TRIM68: variants seen among roughly 807,000 people sequenced by gnomAD.
The protein encoded by TRIM68 is tripartite motif containing 68.
TRIM68 carries 36 observed loss-of-function variants against 41.9 expected under a neutral mutation model. That is an observed-to-expected ratio of 0.86 (90% CI 0.66 to 1.14). The LOEUF is 1.14. Ranked by LOEUF, TRIM68 falls within the 50% of genes most tolerant of loss-of-function variation. TRIM68 has a pLI of 0.00. For synonymous variants in TRIM68, 225 were observed against 224.6 expected (o/e 1.00, Z -0.02); for missense variants, 632 against 605.1 (o/e 1.04, Z -0.47).
rs1846564316 is a variant in TRIM68, at chr11:4,606,074, C to T, written c.-57-513G>A. On this transcript the variant is annotated intron_variant, in intron 1 of 6. Transcript: ENST00000300747. ...TCAATTTGTTTTCTTGTGTTGCACA[C>T]TAAAATGCAAAAACTGTAAAGGAAA... Among the ~76,000 whole-genome samples, 3 of 152,224 alleles carry T rather than the reference C, an allele frequency of 2.0e-5. No homozygotes were observed. In the South Asian group the frequency reaches 6.2e-4, roughly 32 times the overall value.
At position 4,605,451 on chromosome 11, in the gene TRIM68, G is replaced by T; in HGVS notation, c.54C>A (p.Ile18=). The stretch of plus-strand genomic sequence containing the variant: ...TGGGCTCCCTCAGGAAGGTCATACA[G>T]ATGGGACAGGCCACTTCTTCCACAA... The part of the protein sequence containing the change: ...EAIVEEVACP[I]CMTFLREPMS... Residue 18 remains isoleucine, a synonymous_variant, in exon 2 of 7, where the codon ATC becomes ATA. Transcript: ENST00000300747. The T allele has an allele frequency of 1.2e-6, 2 of 1,614,094 alleles. No individual in the cohort carries two copies. The highest frequency in any genetic ancestry group is 1.7e-6 in the Non-Finnish European group (2 of 1,179,970).
In TRIM68 at chr11:4,599,321, T is replaced by C. The variant is rs4910636; in HGVS notation, c.*955A>G. On this transcript the variant is annotated 3_prime_UTR_variant, in exon 7 of 7. Transcript: ENST00000300747. ...ACCATCCTAGCTAACATGGTGAAAC[T>C]CCGTCTCTACTAAAAATACAAAAAA... 142,620 of 152,002 alleles carry C rather than the reference T, an allele frequency of 0.94. 66,988 individuals are homozygous for C. The highest frequency in any genetic ancestry group is 1 in the East Asian group (5,131 of 5,132). 9.4% of individuals were successfully genotyped at this position (152,002 alleles called of 1,614,324 possible). A position where few individuals can be genotyped will look rare whatever the true frequency, so the allele number is the denominator to read the frequency against.
In TRIM68 at chr11:4,600,386, G is replaced by A. The variant is rs868551829; in HGVS notation, c.1348C>T (p.Pro450Ser). The A allele has an allele frequency of 6.2e-7, 1 of 1,614,112 alleles. No homozygotes were observed. The highest frequency in any genetic ancestry group is 8.5e-7 in the Non-Finnish European group (1 of 1,180,012). ...AGGCGCCCAGGGAAGGGATAGCGGG[G>A]GAAAGTGAAGATGTGGGAGCCACAG... Reference protein sequence around the residue: ...TDCGSHIFTFPRYPFPGRLLP... With the variant: ...TDCGSHIFTFSRYPFPGRLLP... Residue 450 changes from proline to serine, a missense_variant, in exon 7 of 7, where the codon CCC becomes TCC. Coordinates refer to ENST00000300747, the MANE Select transcript of TRIM68 (RefSeq NM_018073.8).
At chr11:4,602,664 C>A (rs1163827892) in intron 3 of TRIM68, among the ~76,000 whole-genome samples, 1 of 152,204 alleles carries the variant, frequency 6.6e-6, no homozygotes, top group Non-Finnish European at 1.5e-5. Context: ...ATGCTCTAGA[C>A]TATTTTCCAT....
rs1298369227 is a variant in TRIM68, at chr11:4,605,415, G to C, written c.90C>G (p.Asp30Glu). The change falls in exon 2 of 7, where the codon GAC becomes GAG. Residue 30 changes from aspartate (D) to glutamate (E), a missense_variant. Coordinates refer to ENST00000300747, the MANE Select transcript of TRIM68 (RefSeq NM_018073.8). ...AGCTGTGGCAGAAGCTGTGGCCACA[G>C]TCAATGCTCATGGGCTCCCTCAGGA... ...MTFLREPMSI[D>E]CGHSFCHSCL... 3.7e-6 allele frequency: 6 copies of C among 1,614,234 alleles called. No individual in the cohort carries two copies. Among genetic ancestry groups the C allele is most frequent in the Non-Finnish European group, 4.2e-6 (5 of 1,180,050 alleles).
chr11:4,607,442 A>G (rs2133202702), intron 1 of TRIM68, among the ~76,000 whole-genome samples: 1 of 152,374 alleles, frequency 6.6e-6, no homozygotes, highest in Admixed American at 6.5e-5. Context: ...ACACCATCTA[A>G]AGTCAATAAA....
At chr11:4,603,141 A>T in intron 3 of TRIM68, 104 bp downstream of exon 3, 1 of 1,102,932 alleles carries the variant, frequency 9.1e-7, no homozygotes, top group Non-Finnish European at 1.4e-6. Flanking sequence ...CTGTGATTTC[A>T]AGCCTCACAT....
chr11:4,603,612 C>T (rs1846526469), intron 2 of TRIM68, among the ~76,000 whole-genome samples: 1 of 152,348 alleles, frequency 6.6e-6, no homozygotes, highest in South Asian at 2.1e-4. Context: ...CTTGGACTTT[C>T]CTTTCCATGC....
intron 2 of TRIM68, among the ~76,000 whole-genome samples, chr11:4,603,888 G>A (rs1478261185): frequency 6.6e-6 from 1 of 152,162 alleles, no homozygotes; most frequent in Admixed American, 6.5e-5. Flanking sequence ...AAACTGTGCA[G>A]AAACACCATT....
intron 1 of TRIM68, 57 bp downstream of exon 1, chr11:4,607,970 G>C (rs1398979468): frequency 6.6e-6 from 1 of 152,374 alleles, no homozygotes; most frequent in Non-Finnish European, 1.5e-5. Flanking sequence ...GCGGGCGGGT[G>C]GGGGTAAAGT....
chr11:4,600,452 C>A lies in TRIM68; in HGVS notation c.1282G>T (p.Asp428Tyr), dbSNP rs778466991. ...AAAGAAATGTCATGGGCCTCATAATCCACGAAGATTCCCACCCGGCGAGGA... is the reference window on the plus strand; with the variant it reads ...AAAGAAATGTCATGGGCCTCATAATACACGAAGATTCCCACCCGGCGAGGA... ...VPPRRVGIFVDYEAHDISFYN... is the reference protein window; with the variant it reads ...VPPRRVGIFVYYEAHDISFYN... The change falls in exon 7 of 7, where the codon GAT becomes TAT. Residue 428 changes from aspartate (D) to tyrosine (Y), a missense_variant. Asp to Tyr is a radical substitution (Grantham distance 160, BLOSUM62 -3). Transcript: ENST00000300747. The A allele has an allele frequency of 6.2e-7, 1 of 1,613,550 alleles. No homozygotes were observed. The highest frequency in any genetic ancestry group is 1.3e-5 in the African/African-American group (1 of 74,886).
Position 4,605,207 on chromosome 11 carries a change from G to A in TRIM68, c.298C>T (p.Arg100Cys), listed in dbSNP as rs777719012. 1.2e-5 allele frequency: 19 copies of A among 1,614,120 alleles called. No homozygotes were observed. The highest frequency in any genetic ancestry group is 2.7e-5 in the African/African-American group (2 of 74,938). The change falls in exon 2 of 7, where the codon CGC becomes TGC. Residue 100 changes from arginine (R) to cysteine (C), a missense_variant. Coordinates refer to ENST00000300747, the MANE Select transcript of TRIM68 (RefSeq NM_018073.8). ...AACATCTTCAGCTTTTCCCCATGGC[G>A]CTCACACAGGTCACCCTTCAGCCCC... Reference protein sequence around the residue: ...GMGLKGDLCERHGEKLKMFCK... With the variant: ...GMGLKGDLCECHGEKLKMFCK...
At chr11:4,600,904 C>T (rs1589848305) in intron 6 of TRIM68, 78 bp from the exon 7 acceptor site, 11 of 1,572,884 alleles carry the variant, frequency 7.0e-6, no homozygotes, top group Middle Eastern at 1.7e-4. Context: ...TAAATTCAGC[C>T]ACAGATTTCT....
At chr11:4,602,899 T>G (rs888460193) in intron 3 of TRIM68, among the ~76,000 whole-genome samples, 7 of 152,238 alleles carry the variant, frequency 4.6e-5, no homozygotes, top group African/African-American at 1.4e-4. Context: ...AACCAGACTC[T>G]TAGCAAATAT....
At chr11:4,607,423 C>T (rs570244623) in intron 1 of TRIM68, among the ~76,000 whole-genome samples, 1 of 152,260 alleles carries the variant, frequency 6.6e-6, no homozygotes, top group African/African-American at 2.4e-5. Context: ...TCAGTAGAGA[C>T]ATTAAGAGAC....
chr11:4,605,608 G>A, intron 1 of TRIM68, 47 bp from the exon 2 acceptor site: 1 of 1,121,314 alleles, frequency 8.9e-7, no homozygotes, highest in South Asian at 1.6e-5. Context: ...GGTAACAGAG[G>A]AACAGAGAGA....
intron 1 of TRIM68, among the ~76,000 whole-genome samples, chr11:4,606,367 C>T (rs1846567921): frequency 6.6e-6 from 1 of 152,186 alleles, no homozygotes; most frequent in Admixed American, 6.5e-5. Flanking sequence ...AGGCTCTTGG[C>T]TCAGTTGGCA....
chr11:4,602,204 A>T lies in TRIM68; in HGVS notation c.731T>A (p.Met244Lys). Reference protein sequence around the residue: ...LIQQSQVLWRMIAELKERSQR... With the variant: ...LIQQSQVLWRKIAELKERSQR... Reference sequence around the variant, plus strand: ...CGACCTCTCTTTCAACTCTGCAATCATCCTCCACAGGACCTGGCTCTGCTG... The same window carrying T: ...CGACCTCTCTTTCAACTCTGCAATCTTCCTCCACAGGACCTGGCTCTGCTG... The change falls in exon 4 of 7, where the codon ATG becomes AAG. Residue 244 changes from methionine (M) to lysine (K), a missense_variant. By Grantham distance (95) the Met-to-Lys change is moderately conservative (BLOSUM62 -1). Coordinates refer to ENST00000300747, the MANE Select transcript of TRIM68 (RefSeq NM_018073.8). The T allele has an allele frequency of 6.2e-7, 1 of 1,614,038 alleles. No homozygotes were observed. The highest frequency in any genetic ancestry group is 1.1e-5 in the South Asian group (1 of 91,070).
chr11:4,607,510 G>A (rs1419574516), intron 1 of TRIM68, among the ~76,000 whole-genome samples: 1 of 152,302 alleles, frequency 6.6e-6, no homozygotes, highest in Middle Eastern at 3.4e-3. Flanking sequence ...ACCTAAAATA[G>A]CGATGGAAAA....
Sources: allele counts gnomAD v4.1 joint callset (sites outside exome capture counted in the v4.1 genomes callset), GRCh38; gene constraint gnomAD v4.1.1; transcripts MANE v1.5; gene names NCBI Gene and HGNC (gene_info 2026-07-23, HGNC 2026-07-21).